Variants in KCNIP4 observed in about 807,000 individuals in gnomAD.
KCNIP4 encodes the protein Kv channel-interacting protein 4.
KCNIP4 carries 12 observed loss-of-function variants against 34.0 expected under a neutral mutation model. The ratio of observed to expected loss-of-function variants is 0.35; its 90% CI spans 0.23 to 0.57. KCNIP4 has a LOEUF of 0.57. Ranked by LOEUF, KCNIP4 falls within the 20% of genes least tolerant of loss-of-function variation. KCNIP4 has a pLI of 0.83. For missense variants in KCNIP4, 238 were observed against 311.7 expected, an observed-to-expected ratio of 0.76 and a Z score of 1.78; for synonymous variants, 124 against 102.2, an observed-to-expected ratio of 1.21 and a Z score of -1.29.
At chr4:21,597,784 A>C (rs1742773185) in intron 1 of KCNIP4, among the ~76,000 whole-genome samples, 2 of 152,156 alleles carry the variant, frequency 1.3e-5, no homozygotes, top group South Asian at 4.1e-4. Flanking sequence ...TTAACAGCAA[A>C]GCATCCAGAC....
At chr4:21,103,615 G>C (rs147863728) in intron 1 of KCNIP4, among the ~76,000 whole-genome samples, 21,532 of 149,710 alleles carry the variant, frequency 0.14, 1,750 homozygotes, top group East Asian at 0.23. Context: ...TTAAGTTTTA[G>C]GGTACATGTG....
intron 1 of KCNIP4, among the ~76,000 whole-genome samples, chr4:21,830,054 C>T (rs1327869262): frequency 4.6e-5 from 7 of 151,866 alleles, no homozygotes; most frequent in African/African-American, 9.7e-5. Flanking sequence ...ATAAAGTAGC[C>T]GAAGGAATAA....
chr4:21,076,020 C>T (rs142154211), intron 1 of KCNIP4, among the ~76,000 whole-genome samples: 3,564 of 152,192 alleles, frequency 0.023, 129 homozygotes, highest in African/African-American at 0.08. Flanking sequence ...GTTAGTCTGA[C>T]GGGTTTCCCT....
rs144569007 is a variant in KCNIP4, at chr4:21,032,179, A to G, written c.62-149470T>C. Among the ~76,000 whole-genome samples, 731 of 152,282 alleles carry G rather than the reference A, an allele frequency of 4.8e-3. 7 individuals are homozygous for G. Among genetic ancestry groups the G allele is most frequent in the African/African-American group, 0.017 (700 of 41,562 alleles). On this transcript the variant is annotated intron_variant, in intron 1 of 8. Coordinates refer to ENST00000382152, the MANE Select transcript of KCNIP4 (RefSeq NM_025221.6). ...TATCGCTCACTCACATAGCTTCTCAAAGAAACAAAGGATAAAGAAAGCTTT... is the reference window on the plus strand; with the variant it reads ...TATCGCTCACTCACATAGCTTCTCAGAGAAACAAAGGATAAAGAAAGCTTT...
chr4:21,858,636 T>G (rs188158562), intron 1 of KCNIP4, among the ~76,000 whole-genome samples: 1 of 152,350 alleles, frequency 6.6e-6, no homozygotes, highest in Admixed American at 6.5e-5. Context: ...ATTTTTAATA[T>G]ATTTAGTTTA....
chr4:21,159,294 C>A (rs574881960), intron 1 of KCNIP4, among the ~76,000 whole-genome samples: 1 of 152,092 alleles, frequency 6.6e-6, no homozygotes. Flanking sequence ...GAAATGGACC[C>A]ATGAATATGT....
intron 1 of KCNIP4, among the ~76,000 whole-genome samples, chr4:21,454,185 C>A (rs13128830): frequency 1.3e-5 from 2 of 151,940 alleles, no homozygotes; most frequent in Non-Finnish European, 2.9e-5. Flanking sequence ...CAATTGAAGA[C>A]GTGTCCCGAG....
chr4:21,543,542 A>T (rs781293430), intron 1 of KCNIP4, among the ~76,000 whole-genome samples: 2 of 152,068 alleles, frequency 1.3e-5, no homozygotes, highest in African/African-American at 2.4e-5. Flanking sequence ...AAAAACAGGG[A>T]CCTAATACTG....
intron 1 of KCNIP4, among the ~76,000 whole-genome samples, chr4:21,008,673 G>T (rs543503406): frequency 6.6e-6 from 1 of 151,480 alleles, no homozygotes; most frequent in African/African-American, 2.4e-5. Flanking sequence ...GCAGGCGCCC[G>T]CCACCACGCC....
intron 1 of KCNIP4, among the ~76,000 whole-genome samples, chr4:21,523,819 T>C (rs1197131528): frequency 6.6e-6 from 1 of 152,096 alleles, no homozygotes; most frequent in Non-Finnish European, 1.5e-5. Flanking sequence ...GCGATCCTCT[T>C]ACCTCAGCCT....
chr4:21,436,347 T>C (rs985796830), intron 1 of KCNIP4, among the ~76,000 whole-genome samples: 6 of 152,216 alleles, frequency 3.9e-5, no homozygotes, highest in African/African-American at 1.4e-4. Context: ...TTACTTAGGT[T>C]CCAGGAACTT....
chr4:21,342,632 T>C (rs1036742067), intron 1 of KCNIP4, among the ~76,000 whole-genome samples: 2 of 152,008 alleles, frequency 1.3e-5, no homozygotes, highest in East Asian at 3.9e-4. Flanking sequence ...TAAGTAAAAT[T>C]ACAAATGCCT....
chr4:21,765,159 T>TG (rs1718325559), intron 1 of KCNIP4, among the ~76,000 whole-genome samples: 1 of 20,510 alleles, frequency 4.9e-5, no homozygotes, highest in African/African-American at 9.7e-4. Flanking sequence ...GAAGAGAACC[T>TG]TTTTTTTTTT....
intron 1 of KCNIP4, among the ~76,000 whole-genome samples, chr4:21,783,021 G>A (rs1291593373): frequency 6.6e-6 from 1 of 152,146 alleles, no homozygotes; most frequent in East Asian, 1.9e-4. Context: ...TGAAAAGGAG[G>A]TGGAGGTAAT....
At chr4:20,833,403 TA>T in intron 3 of KCNIP4, among the ~76,000 whole-genome samples, 1 of 152,188 alleles carries the variant, frequency 6.6e-6, no homozygotes, top group South Asian at 2.1e-4. Flanking sequence ...GAGAATCACT[TA>T]AACCCGGGAG....
In KCNIP4 at chr4:21,085,271, G is replaced by A. The variant is rs543721743; in HGVS notation, c.62-202562C>T. On this transcript the variant is annotated intron_variant, in intron 1 of 8. Coordinates refer to ENST00000382152, the MANE Select transcript of KCNIP4 (RefSeq NM_025221.6). ...CCATATGAGGATACATGCAGCTATC[G>A]GCAAACCAGAAAGGCCCTCATTGAA... Among the ~76,000 whole-genome samples the A allele has an allele frequency of 5.3e-5, 8 of 152,124 alleles. No homozygotes were observed. The South Asian group carries it at 6.2e-4, about 12-fold the overall frequency.
intron 1 of KCNIP4, among the ~76,000 whole-genome samples, chr4:21,139,519 G>A (rs1751770409): frequency 6.6e-6 from 1 of 152,120 alleles, no homozygotes. Flanking sequence ...CACCCCCTGT[G>A]GCCAGCTCCT....
Position 21,299,560 on chromosome 4 carries a change from A to G in KCNIP4, c.62-416851T>C, listed in dbSNP as rs116090729. Among the ~76,000 whole-genome samples, 516 of 152,332 alleles carry G rather than the reference A, an allele frequency of 3.4e-3. 3 individuals carry two copies. Among genetic ancestry groups the G allele is most frequent in the African/African-American group, 0.012 (488 of 41,570 alleles). ...CTTTCTTAAACTTTACAGTTTACAA[A>G]GACTTCTCTGATACCCCAAAACACA... On this transcript the variant is annotated intron_variant, in intron 1 of 8. Transcript: ENST00000382152.
At chr4:21,010,968 T>C (rs1739012040) in intron 1 of KCNIP4, among the ~76,000 whole-genome samples, 1 of 152,194 alleles carries the variant, frequency 6.6e-6, no homozygotes, top group South Asian at 2.1e-4. Flanking sequence ...TCCTGAGAGT[T>C]ACCTTTTGGA....
Sources: gnomAD v4.1 joint callset for allele counts (sites outside exome capture counted in the v4.1 genomes callset) on GRCh38, gnomAD v4.1.1 for gene constraint, MANE v1.5 for transcripts, NCBI Gene and HGNC (gene_info 2026-07-23, HGNC 2026-07-21) for gene names.